Variants in CACNA1C observed in about 807,000 individuals in gnomAD.
CACNA1C encodes calcium voltage-gated channel subunit alpha1 C.
CACNA1C carries 30 observed loss-of-function variants against 229.0 expected under a neutral mutation model. That is an observed-to-expected ratio of 0.13 (90% confidence interval 0.10 to 0.18). CACNA1C has a LOEUF of 0.18. Among genes scored for constraint, CACNA1C ranks in the 10% least tolerant of loss-of-function variants. The pLI, the probability that CACNA1C is intolerant of heterozygous loss-of-function variation, is 1.00. For synonymous variants in CACNA1C, 1,114 were observed against 1,132.5 expected, an observed-to-expected ratio of 0.98 and a Z score of 0.33; for missense variants, 1,658 against 2,845.0, an observed-to-expected ratio of 0.58 and a Z score of 9.49.
chr12:2,495,424 C>T (rs1325280690), intron 7 of CACNA1C, among the ~76,000 whole-genome samples: 1 of 152,148 alleles, frequency 6.6e-6, no homozygotes, highest in East Asian at 1.9e-4. Context: ...AAACTGAGGG[C>T]AGGTGGCAGT....
chr12:2,038,062 C>T (rs1376474563), intron 1 of CACNA1C, among the ~76,000 whole-genome samples: 3 of 152,112 alleles, frequency 2.0e-5, no homozygotes, highest in Non-Finnish European at 4.4e-5. Context: ...TTTCCCTTCA[C>T]TCCCTCCCAA....
chr12:2,593,642 A>G (rs2066577947), intron 19 of CACNA1C, among the ~76,000 whole-genome samples: 1 of 152,266 alleles, frequency 6.6e-6, no homozygotes. Context: ...CAATATCAAG[A>G]ACCTCCTCCT....
Position 2,054,379 on chromosome 12 carries a change from G to C in CACNA1C, c.49+768G>C, listed in dbSNP as rs564886656. Among the ~76,000 whole-genome samples, 1 of 152,200 alleles carries C rather than the reference G, an allele frequency of 6.6e-6. No individual in the cohort carries two copies. Among genetic ancestry groups the C allele is most frequent in the African/African-American group, 2.4e-5 (1 of 41,466 alleles). ...TGAGGATGGAAGCGGCGAGGAGCCG[G>C]GCGGTGTGTGGGCTTTGCTGTTTCG... On this transcript the variant is annotated intron_variant, in intron 1 of 46. Transcript: ENST00000399655. This position sits in a 1 kb window ranked among gnomAD's most constrained non-coding sequence, Gnocchi z 5.5.
chr12:2,280,314 TTCGGTTTG>T (rs1212466314), intron 3 of CACNA1C, among the ~76,000 whole-genome samples: 7 of 79,044 alleles, frequency 8.9e-5, no homozygotes, highest in African/African-American at 5.5e-4. Context: ...CTTGCTGTGC[TTCGGTTTG>T]ACCTCTTGAT....
At chr12:2,192,767 C>T (rs1199815965) in intron 3 of CACNA1C, among the ~76,000 whole-genome samples, 1 of 151,882 alleles carries the variant, frequency 6.6e-6, no homozygotes, top group African/African-American at 2.4e-5. Flanking sequence ...CCACTCTCCC[C>T]CTCCTCCACA....
Position 2,504,085 on chromosome 12 carries a change from A to G in CACNA1C, c.1114-757A>G, listed in dbSNP as rs2099766454. 6.6e-6 allele frequency among the ~76,000 whole-genome samples: 1 copy of G among 152,242 alleles called. No homozygotes were observed. The highest frequency in any genetic ancestry group is 2.4e-5 in the African/African-American group (1 of 41,462). ...GCAACAGAAGGCTTAATGTCCAGGCAAACCCAAGTGAGTTAAACCATCCCA... is the reference window on the plus strand; with the variant it reads ...GCAACAGAAGGCTTAATGTCCAGGCGAACCCAAGTGAGTTAAACCATCCCA... On this transcript the variant is annotated intron_variant, in intron 7 of 46. Transcript: ENST00000399655. This position sits in a 1 kb window ranked among gnomAD's most constrained non-coding sequence, Gnocchi z 6.8.
At chr12:2,438,434 G>A (rs111856877) in intron 3 of CACNA1C, among the ~76,000 whole-genome samples, 3,887 of 152,080 alleles carry the variant, frequency 0.026, 73 homozygotes, top group Non-Finnish European at 0.041. Flanking sequence ...TGATGTTGGA[G>A]GTGGACATGG....
At chr12:2,010,413 C>T (rs955117090) in intron 1 of CACNA1C, among the ~76,000 whole-genome samples, 14 of 152,108 alleles carry the variant, frequency 9.2e-5, no homozygotes, top group African/African-American at 3.1e-4. Context: ...GGGGCTTTTG[C>T]TAGGGTAAGA....
At chr12:2,570,321 G>A (rs979169645) in intron 13 of CACNA1C, among the ~76,000 whole-genome samples, 3 of 152,232 alleles carry the variant, frequency 2.0e-5, no homozygotes, top group Middle Eastern at 3.4e-3. Flanking sequence ...TGCTCAGAGC[G>A]TGTTTCTGAG....
intron 1 of CACNA1C, chr12:2,004,143 T>G: frequency 8.0e-7 from 1 of 1,242,706 alleles, no homozygotes; most frequent in Non-Finnish European, 1.1e-6. Flanking sequence ...CTCCACAACT[T>G]CGGCCTCAGT....
At chr12:2,236,333 C>G (rs2067361593) in intron 3 of CACNA1C, among the ~76,000 whole-genome samples, 1 of 152,192 alleles carries the variant, frequency 6.6e-6, no homozygotes, top group African/African-American at 2.4e-5. Flanking sequence ...AGCAGCAGTG[C>G]TGTAGTAGAC....
At chr12:2,635,351 C>A (rs1029612138) in intron 30 of CACNA1C, among the ~76,000 whole-genome samples, 1 of 152,202 alleles carries the variant, frequency 6.6e-6, no homozygotes, top group African/African-American at 2.4e-5. Flanking sequence ...TATAGGCAAG[C>A]CTTCTTGCGG....
rs535601137 is a variant in CACNA1C, at chr12:2,028,790, A to G, written c.139+57589A>G. 5.1e-5 allele frequency among the ~76,000 whole-genome samples: 7 copies of G among 138,390 alleles called. No homozygotes were observed. The East Asian group carries it at 1.3e-3, about 25-fold the overall frequency. The allele number at this position is 138,390 out of a possible 152,430, so 90.8% of individuals were successfully genotyped here. ...TGTAGCTCTGTTTTCTCGATTGTAAAAGGCTGTGATGATGATGAAATAAAC... is the reference window on the plus strand; with the variant it reads ...TGTAGCTCTGTTTTCTCGATTGTAAGAGGCTGTGATGATGATGAAATAAAC... On this transcript the variant is annotated intron_variant, in intron 1 of 46. Transcript: ENST00000682462.
intron 10 of CACNA1C, among the ~76,000 whole-genome samples, chr12:2,550,354 A>C (rs368463573): frequency 3.3e-5 from 5 of 152,102 alleles, no homozygotes; most frequent in Admixed American, 1.3e-4. Context: ...GGCGGCCCCA[A>C]AGTCTGTTTC....
At chr12:2,670,629 G>C (rs980194508) in intron 38 of CACNA1C, among the ~76,000 whole-genome samples, 4 of 152,112 alleles carry the variant, frequency 2.6e-5, no homozygotes, top group Non-Finnish European at 4.4e-5. Flanking sequence ...GAGAGGCCCA[G>C]TCGGGCAGAT....
chr12:2,051,781 G>T (rs1427236658), upstream of CACNA1C, among the ~76,000 whole-genome samples: 1 of 152,238 alleles, frequency 6.6e-6, no homozygotes, highest in African/African-American at 2.4e-5. Context: ...GCTTTGAAGA[G>T]ATCAGGAATC....
chr12:2,349,447 C>T (rs2097144062), intron 3 of CACNA1C, among the ~76,000 whole-genome samples: 1 of 152,000 alleles, frequency 6.6e-6, no homozygotes, highest in Non-Finnish European at 1.5e-5. Context: ...TGGAAGGGCT[C>T]AGGTGAAATA....
intron 3 of CACNA1C, among the ~76,000 whole-genome samples, chr12:2,135,776 C>T (rs1330708650): frequency 6.8e-6 from 1 of 146,602 alleles, no homozygotes; most frequent in African/African-American, 2.7e-5. Context: ...CTGTGCCCTG[C>T]CCCCAGAGGT....
rs879608954 is a variant in CACNA1C, at chr12:2,287,116, T to G, written c.478-161860T>G. 6.6e-6 allele frequency among the ~76,000 whole-genome samples: 1 copy of G among 152,258 alleles called. No homozygotes were observed. Among genetic ancestry groups the G allele is most frequent in the Non-Finnish European group, 1.5e-5 (1 of 68,046 alleles). On this transcript the variant is annotated intron_variant, in intron 3 of 46. Transcript: ENST00000399655. The surrounding 1 kb of genome is among the most constrained non-coding windows in gnomAD (Gnocchi z 4.6). ...CCTGCCCCCAGTTGACAGAGGGCTC[T>G]TTACCGTTAGGACCCCTTCTGGGTT... is the stretch of plus-strand genomic sequence containing the variant.
Sources: gnomAD v4.1 joint callset for allele counts (sites outside exome capture counted in the v4.1 genomes callset) on GRCh38, gnomAD v4.1.1 for gene constraint, Gnocchi (gnomAD v3.1) non-coding constraint, MANE v1.5 for transcripts, NCBI Gene and HGNC (gene_info 2026-07-23, HGNC 2026-07-21) for gene names.